FAF2: variants seen among roughly 807,000 people sequenced by gnomAD.
FAF2 encodes the protein FAS-associated factor 2.
In FAF2, 9 loss-of-function variants were observed where a neutral mutation model predicts 62.3. The ratio of observed to expected loss-of-function variants is 0.14; its 90% CI spans 0.09 to 0.25. The LOEUF is 0.25. Among genes scored for constraint, FAF2 ranks in the 10% least tolerant of loss-of-function variants. FAF2 has a pLI of 1.00. For synonymous variants in FAF2, 202 were observed against 198.0 expected (o/e 1.02, Z -0.17); for missense variants, 368 against 556.2 (o/e 0.66, Z 3.40).
chr5:176,456,812 A>G (rs890574367), intron 1 of FAF2, among the ~76,000 whole-genome samples: 2 of 152,174 alleles, frequency 1.3e-5, no homozygotes, highest in African/African-American at 4.8e-5. Context: ...TTTAAAGTTG[A>G]AATTTTATGA....
chr5:176,500,301 A>G (rs1755572251), intron 10 of FAF2, among the ~76,000 whole-genome samples, 155 bp downstream of exon 10: 1 of 152,190 alleles, frequency 6.6e-6, no homozygotes, highest in Non-Finnish European at 1.5e-5. Context: ...ATCCGTGGAC[A>G]CCAGGAAGAG....
At chr5:176,455,953 AATTG>A (rs1217126057) in intron 1 of FAF2, among the ~76,000 whole-genome samples, 3 of 150,106 alleles carry the variant, frequency 2.0e-5, no homozygotes, top group Admixed American at 6.6e-5. Context: ...GACTTCAGTT[AATTG>A]ATTAGTTATG....
chr5:176,502,674 G>T (rs1755614820), intron 10 of FAF2, among the ~76,000 whole-genome samples: 1 of 152,154 alleles, frequency 6.6e-6, no homozygotes, highest in African/African-American at 2.4e-5. Context: ...ATAGGCTTGT[G>T]GCCAAAAGGG....
At chr5:176,481,893 G>A (rs1758788658) in intron 2 of FAF2, among the ~76,000 whole-genome samples, 1 of 152,146 alleles carries the variant, frequency 6.6e-6, no homozygotes, top group Non-Finnish European at 1.5e-5. Context: ...ACTTTGCTGA[G>A]TCATATGGTG....
At chr5:176,451,900 T>A (rs1300769113) in intron 1 of FAF2, among the ~76,000 whole-genome samples, 50 of 35,964 alleles carry the variant, frequency 1.4e-3, no homozygotes, top group African/African-American at 5.5e-3. Context: ...ATATTTTTTT[T>A]TTTTTTTTTT....
In FAF2 at chr5:176,499,317, G is replaced by A. The variant is rs138218974; in HGVS notation, c.1011+232G>A. Among the ~76,000 whole-genome samples, 960 of 152,086 alleles carry A rather than the reference G, an allele frequency of 6.3e-3. 12 individuals carry two copies. The highest frequency in any genetic ancestry group is 0.022 in the African/African-American group (917 of 41,488). On this transcript the variant is annotated intron_variant, in intron 9 of 10. Transcript: ENST00000261942. ...TAAATAAAAATTTAAAAAAAGAGAC[G>A]GGCTTTGCCATATTGGCCAGGCTGC...
chr5:176,482,044 TACTC>T (rs1758790140), intron 2 of FAF2, among the ~76,000 whole-genome samples: 2 of 152,294 alleles, frequency 1.3e-5, no homozygotes, highest in Admixed American at 1.3e-4. Context: ...TTCTAGATCA[TACTC>T]ACCCTAGTGA....
At chr5:176,505,907 G>A (rs1021730072) in intron 10 of FAF2, among the ~76,000 whole-genome samples, 4 of 151,962 alleles carry the variant, frequency 2.6e-5, no homozygotes, top group Admixed American at 6.6e-5. Flanking sequence ...GGTGGCTCAC[G>A]CCTGTAATCT....
At chr5:176,451,871 C>CATATATATATATAT (rs1561813588) in intron 1 of FAF2, among the ~76,000 whole-genome samples, 4 of 26,388 alleles carry the variant, frequency 1.5e-4, no homozygotes, top group African/African-American at 1.5e-4. Context: ...TATATATATA[C>CATATATATATATAT]ACACATATAT....
intron 4 of FAF2, among the ~76,000 whole-genome samples, chr5:176,490,283 C>T (rs1400417169): frequency 6.7e-6 from 1 of 150,364 alleles, no homozygotes; most frequent in Non-Finnish European, 1.5e-5. Context: ...TGCACTCCAG[C>T]CTGGGTGAGA....
Position 176,494,321 on chromosome 5 carries a change from T to C in FAF2, c.661+46T>C. 6.8e-7 allele frequency: 1 copy of C among 1,469,634 alleles called. No individual in the cohort carries two copies. The highest frequency in any genetic ancestry group is 9.5e-7 in the Non-Finnish European group (1 of 1,049,734). 91.0% of individuals were successfully genotyped at this position (1,469,634 alleles called of 1,614,324 possible). A position where few individuals can be genotyped will look rare whatever the true frequency, so the allele number is the denominator to read the frequency against. ...CTCATTGAGATTGTTGGAGTATCTT[T>C]GGAATAGTCTGGAAAGACATGCCAT... On this transcript the variant is annotated intron_variant, in intron 7 of 10. Transcript: ENST00000261942. This position sits in a 1 kb window ranked among gnomAD's most constrained non-coding sequence, Gnocchi z 4.0.
chr5:176,460,690 G>A (rs1409747193), intron 1 of FAF2, among the ~76,000 whole-genome samples: 3 of 151,874 alleles, frequency 2.0e-5, no homozygotes, highest in East Asian at 3.9e-4. Context: ...GATGGCTCAC[G>A]CCTGTAATCC....
intron 5 of FAF2, 98 bp downstream of exon 5, chr5:176,492,430 A>G: frequency 7.5e-7 from 1 of 1,338,288 alleles, no homozygotes; most frequent in Middle Eastern, 1.9e-4. Flanking sequence ...CTTGTACTCA[A>G]AAACCTTAAT....
intron 1 of FAF2, among the ~76,000 whole-genome samples, chr5:176,476,664 G>A (rs1469578773): frequency 7.6e-5 from 9 of 118,710 alleles, no homozygotes; most frequent in Non-Finnish European, 1.1e-4. Context: ...ATGGAGTCTC[G>A]CTCTGTCACC....
chr5:176,476,151 T>C (rs1272110115), intron 1 of FAF2, among the ~76,000 whole-genome samples: 2 of 152,000 alleles, frequency 1.3e-5, no homozygotes, highest in Non-Finnish European at 2.9e-5. Context: ...TTCCAGCTGC[T>C]CGGAGGCTGA....
At chr5:176,448,515 G>A in intron 1 of FAF2, 45 bp downstream of exon 1, 1 of 1,551,168 alleles carries the variant, frequency 6.4e-7, no homozygotes, top group Non-Finnish European at 8.7e-7. Flanking sequence ...GTGGGATGGG[G>A]AGTAGGCCCC....
chr5:176,502,860 C>T (rs1219538002), intron 10 of FAF2, among the ~76,000 whole-genome samples: 1 of 151,726 alleles, frequency 6.6e-6, no homozygotes, highest in African/African-American at 2.4e-5. Flanking sequence ...CCAGCCTGGC[C>T]AATATGGTGA....
In FAF2 at chr5:176,484,870, C is replaced by A. The variant is rs576902975; in HGVS notation, c.133-1485C>A. ...TCATGCCACTGCACTCCAGCCTGGG[C>A]AACAGAATAAGACTCCATCTCAAGA... is the stretch of plus-strand genomic sequence containing the variant. On this transcript the variant is annotated intron_variant, in intron 2 of 10. Coordinates refer to ENST00000261942, the MANE Select transcript of FAF2 (RefSeq NM_014613.3). 6.6e-5 allele frequency among the ~76,000 whole-genome samples: 9 copies of A among 136,584 alleles called. No individual in the cohort carries two copies. In the East Asian group the frequency reaches 2.0e-3, roughly 30 times the overall value. The allele number at this position is 136,584 out of a possible 152,430, so 89.6% of individuals were successfully genotyped here.
chr5:176,451,395 G>A (rs1201888697), intron 1 of FAF2, among the ~76,000 whole-genome samples: 1 of 151,950 alleles, frequency 6.6e-6, no homozygotes, highest in East Asian at 1.9e-4. Flanking sequence ...TTTTTAAGTA[G>A]AGACGGGAGT....
Sources: allele counts gnomAD v4.1 joint callset (sites outside exome capture counted in the v4.1 genomes callset), GRCh38; gene constraint gnomAD v4.1.1; non-coding constraint Gnocchi (gnomAD v3.1); transcripts MANE v1.5; gene names NCBI Gene and HGNC (gene_info 2026-07-23, HGNC 2026-07-21).